Variants in LIPC observed in about 807,000 individuals in gnomAD.
LIPC encodes lipase C, hepatic type.
In LIPC, 44 loss-of-function variants were observed where a neutral mutation model predicts 50.7. The observed-to-expected ratio is 0.87, with a 90% CI of 0.68 to 1.11. The LOEUF (loss-of-function observed/expected upper bound fraction) is 1.11. Ranked by LOEUF, LIPC falls within the 50% of genes most tolerant of loss-of-function variation. The probability of loss-of-function intolerance (pLI) is 0.00; values close to 1 mark genes in which losing one functional copy is unlikely to be tolerated. For synonymous variants in LIPC, 271 were observed against 256.4 expected, an observed-to-expected ratio of 1.06 and a Z score of -0.54; for missense variants, 697 against 648.2, an observed-to-expected ratio of 1.08 and a Z score of -0.82.
rs555905458 is a variant in LIPC, at chr15:58,536,068, A to G, written c.89-2265A>G. On this transcript the variant is annotated intron_variant, in intron 1 of 8. Coordinates refer to ENST00000299022, the MANE Select transcript of LIPC (RefSeq NM_000236.3). ...AGGTGGAGGAAGCACACACCTGGAT[A>G]AATAAATCACCCCGCTGCAGGGCAA... Among the ~76,000 whole-genome samples, 243 of 152,324 alleles carry G rather than the reference A, an allele frequency of 1.6e-3. 1 individual carries two copies. Among genetic ancestry groups the G allele is most frequent in the African/African-American group, 5.8e-3 (241 of 41,554 alleles).
chr15:58,477,066 CA>C (rs1891023707), intron 1 of LIPC, among the ~76,000 whole-genome samples: 1 of 152,224 alleles, frequency 6.6e-6, no homozygotes, highest in Non-Finnish European at 1.5e-5. Context: ...CTTTCCCCTA[CA>C]AACTCCTATA....
chr15:58,436,419 A>G (rs1893298214), intron 1 of LIPC: 2 of 246,232 alleles, frequency 8.1e-6, no homozygotes, highest in Non-Finnish European at 1.6e-5. Flanking sequence ...CTTGTTTGAT[A>G]GGTAAAAATT....
intron 1 of LIPC, among the ~76,000 whole-genome samples, chr15:58,457,721 C>T (rs919218612): frequency 3.9e-5 from 6 of 152,204 alleles, no homozygotes; most frequent in East Asian, 1.9e-4. Flanking sequence ...ATTTGGTAAT[C>T]GAAAGAGCAA....
chr15:58,445,201 C>A (rs1893651424), intron 1 of LIPC, among the ~76,000 whole-genome samples: 2 of 152,204 alleles, frequency 1.3e-5, no homozygotes, highest in Admixed American at 1.3e-4. Context: ...CGGCAGGAGA[C>A]CAAGAAGGCG....
chr15:58,509,138 C>G (rs1892254288), intron 1 of LIPC, among the ~76,000 whole-genome samples: 1 of 152,176 alleles, frequency 6.6e-6, no homozygotes, highest in Non-Finnish European at 1.5e-5. Context: ...GTACCCAAAT[C>G]CACACATTCT....
Position 58,542,557 on chromosome 15 carries a change from C to G in LIPC, c.480C>G (p.Ser160Arg). ...WLEESVQLSR[S>R]HVHLIGYSLG... Reference sequence around the variant, plus strand: ...AGGAATCTGTGCAACTCTCTCGAAGCCATGTTCACCTAATTGGGTACAGCC... The same window carrying G: ...AGGAATCTGTGCAACTCTCTCGAAGGCATGTTCACCTAATTGGGTACAGCC... Residue 160 changes from serine (S) to arginine (R), a missense_variant, in exon 4 of 9, where the codon AGC (serine) becomes AGG (arginine). Ser to Arg is a moderately radical substitution (Grantham distance 110). Coordinates refer to ENST00000299022, the MANE Select transcript of LIPC (RefSeq NM_000236.3). 2 of 1,613,274 alleles carry G rather than the reference C, an allele frequency of 1.2e-6. No individual in the cohort carries two copies. Among genetic ancestry groups the G allele is most frequent in the Non-Finnish European group, 1.7e-6 (2 of 1,179,272 alleles).
chr15:58,460,045 G>A (rs1413358677), intron 1 of LIPC, among the ~76,000 whole-genome samples: 3 of 152,192 alleles, frequency 2.0e-5, no homozygotes, highest in Admixed American at 1.3e-4. Context: ...TATGGGTCCC[G>A]TACTGCAGCT....
chr15:58,456,743 T>G (rs1327772574), intron 1 of LIPC, among the ~76,000 whole-genome samples: 1 of 152,242 alleles, frequency 6.6e-6, no homozygotes, highest in African/African-American at 2.4e-5. Flanking sequence ...ACCCATCACA[T>G]TCATAAAGGC....
At chr15:58,557,031 G>A (rs935424290) in intron 6 of LIPC, among the ~76,000 whole-genome samples, 1 of 152,302 alleles carries the variant, frequency 6.6e-6, no homozygotes, top group African/African-American at 2.4e-5. Flanking sequence ...TGTTTTCAGT[G>A]TATTTTTACA....
intron 6 of LIPC, among the ~76,000 whole-genome samples, chr15:58,553,926 C>A (rs141657114): frequency 2.8e-3 from 427 of 152,052 alleles, no homozygotes; most frequent in African/African-American, 9.8e-3. Flanking sequence ...GGAACAAGCC[C>A]TCTGGGCTTG....
chr15:58,540,826 T>A (rs375481755), intron 2 of LIPC, among the ~76,000 whole-genome samples: 7 of 152,246 alleles, frequency 4.6e-5, no homozygotes, highest in African/African-American at 1.7e-4. Context: ...TTTGTTGCGA[T>A]AGGGTCTCAC....
At chr15:58,447,932 A>G (rs1414835545) in intron 1 of LIPC, among the ~76,000 whole-genome samples, 3 of 152,228 alleles carry the variant, frequency 2.0e-5, no homozygotes, top group Admixed American at 6.5e-5. Context: ...TACAAAGAAG[A>G]ATAAGACACA....
chr15:58,565,497 G>A, intron 8 of LIPC: 5 of 1,382,238 alleles, frequency 3.6e-6, no homozygotes, highest in Non-Finnish European at 4.7e-6. Flanking sequence ...GAGCATTGAA[G>A]CAGGTGCTCC....
intron 1 of LIPC, among the ~76,000 whole-genome samples, chr15:58,528,986 C>T (rs1892870263): frequency 6.6e-6 from 1 of 152,152 alleles, no homozygotes; most frequent in African/African-American, 2.4e-5. Context: ...TGAGACAGGA[C>T]TTGCATATTC....
At chr15:58,467,588 A>T (rs1595873865) in intron 1 of LIPC, among the ~76,000 whole-genome samples, 1 of 151,700 alleles carries the variant, frequency 6.6e-6, no homozygotes, top group African/African-American at 2.4e-5. Flanking sequence ...GCTGTTAAAG[A>T]CCCTCCTGGC....
intron 1 of LIPC, chr15:58,497,971 C>G (rs1017191926): frequency 2.0e-5 from 3 of 152,196 alleles, no homozygotes; most frequent in African/African-American, 4.8e-5. Flanking sequence ...CAAATTATAT[C>G]TAAGATTCAG....
chr15:58,449,688 C>T (rs144969248), intron 1 of LIPC, among the ~76,000 whole-genome samples: 8 of 152,086 alleles, frequency 5.3e-5, no homozygotes, highest in South Asian at 2.1e-4. Flanking sequence ...TACAAGCTTG[C>T]GCCACCGCAC....
chr15:58,450,250 C>A (rs1366037903), intron 1 of LIPC, among the ~76,000 whole-genome samples: 1 of 152,224 alleles, frequency 6.6e-6, no homozygotes, highest in East Asian at 1.9e-4. Flanking sequence ...CTTGAGTGTG[C>A]ATCACAACCC....
At chr15:58,553,499 A>G (rs1240639236) in intron 6 of LIPC, among the ~76,000 whole-genome samples, 1 of 152,208 alleles carries the variant, frequency 6.6e-6, no homozygotes, top group African/African-American at 2.4e-5. Context: ...GGGAGACTGC[A>G]GGAGGGTTGC....
Sources: gnomAD v4.1 joint callset for allele counts (sites outside exome capture counted in the v4.1 genomes callset) on GRCh38, gnomAD v4.1.1 for gene constraint, MANE v1.5 for transcripts, NCBI Gene and HGNC (gene_info 2026-07-23, HGNC 2026-07-21) for gene names.